Variants in DYNC1I1 observed in about 807,000 individuals in gnomAD.
The protein encoded by DYNC1I1 is cytoplasmic dynein 1 intermediate chain 1.
DYNC1I1 carries 43 observed loss-of-function variants against 86.6 expected under a neutral mutation model. That is an observed-to-expected ratio of 0.50 (90% confidence interval 0.39 to 0.64). DYNC1I1 has a LOEUF of 0.64. DYNC1I1 is among the 30% of genes least tolerant of loss of function. The probability of loss-of-function intolerance (pLI) is 0.00; values close to 1 mark genes in which losing one functional copy is unlikely to be tolerated. For synonymous variants in DYNC1I1, 262 were observed against 283.7 expected (o/e 0.92, Z 0.77); for missense variants, 604 against 788.8 (o/e 0.77, Z 2.81).
intron 6 of DYNC1I1, among the ~76,000 whole-genome samples, chr7:95,911,193 G>C (rs1791325522): frequency 6.6e-6 from 1 of 152,178 alleles, no homozygotes; most frequent in South Asian, 2.1e-4. Context: ...TCAAAAATTA[G>C]AACAGAGCAG....
At chr7:95,928,532 CCA>C (rs768680863) in intron 6 of DYNC1I1, among the ~76,000 whole-genome samples, 4 of 152,084 alleles carry the variant, frequency 2.6e-5, no homozygotes, top group Non-Finnish European at 5.9e-5. Flanking sequence ...GCTCCCACTG[CCA>C]CACAGGCTGC....
chr7:95,898,950 C>T (rs1292879368), intron 6 of DYNC1I1, among the ~76,000 whole-genome samples: 16 of 152,032 alleles, frequency 1.1e-4, no homozygotes, highest in Admixed American at 9.2e-4. Context: ...AACACAAAGA[C>T]GTTTTTAAAA....
At chr7:95,809,233 G>T (rs1415090623) in intron 2 of DYNC1I1, among the ~76,000 whole-genome samples, 1 of 152,150 alleles carries the variant, frequency 6.6e-6, no homozygotes, top group Non-Finnish European at 1.5e-5. Context: ...TAATCAGTGT[G>T]TAGGTTACCC....
At chr7:96,108,774 T>C (rs1791259745) in intron 16 of DYNC1I1, among the ~76,000 whole-genome samples, 1 of 151,196 alleles carries the variant, frequency 6.6e-6, no homozygotes, top group Non-Finnish European at 1.5e-5. Flanking sequence ...AGGCAGAGAA[T>C]TGCTTGAACC....
chr7:96,020,437 T>C (rs1287182923), intron 10 of DYNC1I1, among the ~76,000 whole-genome samples: 1 of 152,056 alleles, frequency 6.6e-6, no homozygotes, highest in Non-Finnish European at 1.5e-5. Context: ...CCATCAGATC[T>C]TGTGAGACCC....
rs756972511 is a variant in DYNC1I1, at chr7:95,804,808, C to T, written c.79C>T (p.Arg27Trp). 1.5e-5 allele frequency: 24 copies of T among 1,571,654 alleles called. No homozygotes were observed. Among genetic ancestry groups the T allele is most frequent in the Admixed American group, 3.6e-5 (2 of 55,690 alleles). The stretch of plus-strand genomic sequence containing the variant: ...AGCACAGATAAGAGAAGAGAAGAAA[C>T]GGAAGGAAGAGGAGAGGAAAAAGAA... ...RLAQIREEKK[R>W]KEEERKKKEA... The change falls in exon 2 of 17, where the codon CGG (arginine) becomes TGG (tryptophan). Residue 27 changes from arginine (R) to tryptophan (W), a missense_variant. Physicochemically the swap from Arg to Trp is moderately radical, Grantham distance 101 (BLOSUM62 -3). Coordinates refer to ENST00000447467, the MANE Select transcript of DYNC1I1 (RefSeq NM_001135556.2).
At chr7:95,774,818 T>A (rs1243411705) in intron 1 of DYNC1I1, among the ~76,000 whole-genome samples, 1 of 152,200 alleles carries the variant, frequency 6.6e-6, no homozygotes, top group Non-Finnish European at 1.5e-5. Context: ...GCATGCCAAA[T>A]CTGAAATCTA....
intron 5 of DYNC1I1, among the ~76,000 whole-genome samples, chr7:95,841,821 C>G (rs762272831): frequency 6.6e-6 from 1 of 152,168 alleles, no homozygotes; most frequent in South Asian, 2.1e-4. Flanking sequence ...GATGTGCAAT[C>G]TAACCCCTTC....
At chr7:95,952,801 T>C (rs1304013549) in intron 6 of DYNC1I1, among the ~76,000 whole-genome samples, 1 of 152,288 alleles carries the variant, frequency 6.6e-6, no homozygotes, top group East Asian at 1.9e-4. Context: ...GTCCTTCCTC[T>C]GTCCTTTTAT....
chr7:96,038,125 C>T (rs1788924079), intron 13 of DYNC1I1, among the ~76,000 whole-genome samples: 1 of 152,126 alleles, frequency 6.6e-6, no homozygotes, highest in Non-Finnish European at 1.5e-5. Flanking sequence ...AGCAGTTTCA[C>T]TGGGCATAAT....
intron 6 of DYNC1I1, among the ~76,000 whole-genome samples, chr7:95,912,715 C>G (rs1028037482): frequency 3.9e-5 from 6 of 152,158 alleles, no homozygotes; most frequent in Non-Finnish European, 4.4e-5. Flanking sequence ...GAAAGGCAAT[C>G]TGTTTGTGTC....
At chr7:95,787,245 T>C (rs1482963347) in intron 1 of DYNC1I1, among the ~76,000 whole-genome samples, 1 of 152,194 alleles carries the variant, frequency 6.6e-6, no homozygotes, top group African/African-American at 2.4e-5. Flanking sequence ...TGAACTCTGC[T>C]GAGAACTTGA....
intron 1 of DYNC1I1, among the ~76,000 whole-genome samples, chr7:95,790,951 G>C (rs1006263184): frequency 1.3e-4 from 20 of 152,130 alleles, no homozygotes; most frequent in African/African-American, 4.8e-4. Flanking sequence ...AATTAGGTAG[G>C]CTTAATTACA....
intron 16 of DYNC1I1, among the ~76,000 whole-genome samples, chr7:96,107,533 C>CTTT (rs201003613): frequency 2.2e-5 from 3 of 138,860 alleles, no homozygotes; most frequent in African/African-American, 7.9e-5. Context: ...GTAATTTCTT[C>CTTT]TTTTTTTTTT....
chr7:95,856,893 C>T (rs538806244), intron 5 of DYNC1I1, among the ~76,000 whole-genome samples: 12 of 152,006 alleles, frequency 7.9e-5, no homozygotes, highest in African/African-American at 2.2e-4. Context: ...GCAGGAGAAT[C>T]GCTTGAATCC....
At chr7:95,963,736 G>A (rs1792933424) in intron 6 of DYNC1I1, among the ~76,000 whole-genome samples, 1 of 152,154 alleles carries the variant, frequency 6.6e-6, no homozygotes, top group Non-Finnish European at 1.5e-5. Flanking sequence ...GTGAAATGCT[G>A]CTCAGTTTAT....
At chr7:95,969,632 A>G (rs1793114152) in intron 6 of DYNC1I1, among the ~76,000 whole-genome samples, 2 of 152,162 alleles carry the variant, frequency 1.3e-5, no homozygotes, top group East Asian at 1.9e-4. Context: ...CATATATTAC[A>G]TATCAGTGCT....
intron 1 of DYNC1I1, among the ~76,000 whole-genome samples, chr7:95,786,051 A>G (rs975893893): frequency 6.6e-6 from 1 of 152,000 alleles, no homozygotes; most frequent in African/African-American, 2.4e-5. Context: ...TTGGTTTAAC[A>G]TGGAAATTCT....
intron 10 of DYNC1I1, among the ~76,000 whole-genome samples, chr7:96,005,996 A>G (rs1035797551): frequency 5.3e-5 from 8 of 152,186 alleles, no homozygotes; most frequent in African/African-American, 1.9e-4. Flanking sequence ...CTCTGGCAGC[A>G]AGGACACATG....
Sources: allele counts gnomAD v4.1 joint callset (sites outside exome capture counted in the v4.1 genomes callset), GRCh38; gene constraint gnomAD v4.1.1; transcripts MANE v1.5; gene names NCBI Gene and HGNC (gene_info 2026-07-23, HGNC 2026-07-21).